NEIL3: variants seen among roughly 807,000 people sequenced by gnomAD.
NEIL3 encodes nei like DNA glycosylase 3.
In NEIL3, 48 loss-of-function variants were observed where a neutral mutation model predicts 57.5. The ratio of observed to expected loss-of-function variants is 0.83; its 90% CI spans 0.66 to 1.06. The LOEUF is 1.06. Ranked by LOEUF, NEIL3 falls within the 50% of genes least tolerant of loss-of-function variation. NEIL3 has a pLI of 0.00. For synonymous variants in NEIL3, 261 were observed against 253.2 expected (o/e 1.03, Z -0.29); for missense variants, 717 against 739.1 (o/e 0.97, Z 0.35).
downstream of NEIL3, among the ~76,000 whole-genome samples, chr4:177,366,127 G>T (rs1353397222): frequency 2.0e-5 from 3 of 152,148 alleles, no homozygotes; most frequent in Admixed American, 2.0e-4. Flanking sequence ...ATATGAAATT[G>T]CAAATATCTA....
intron 1 of NEIL3, among the ~76,000 whole-genome samples, chr4:177,318,725 C>G (rs760167408): frequency 1.3e-5 from 2 of 152,178 alleles, no homozygotes; most frequent in Admixed American, 6.5e-5. Flanking sequence ...GCACCCTCCC[C>G]CAATCTTGCT....
chr4:177,366,180 A>G (rs1735690157), downstream of NEIL3, among the ~76,000 whole-genome samples: 2 of 152,252 alleles, frequency 1.3e-5, no homozygotes, highest in Admixed American at 6.5e-5. Context: ...TTTAAAACAT[A>G]TGGGACTTTT....
rs761353300 is a variant in NEIL3 at position 177,353,495 on chromosome 4, C to T, written c.1227C>T (p.Asn409=). 1 of 1,613,720 alleles carries T rather than the reference C, an allele frequency of 6.2e-7. No individual in the cohort carries two copies. The highest frequency in any genetic ancestry group is 8.5e-7 in the Non-Finnish European group (1 of 1,179,840). ...SSTLERKTKQ[N]QILDEEFQNS... ...CTTTGGAAAGAAAAACAAAGCAAAACCAGATACTAGATGAGGAGTTTCAAA... is the reference window on the plus strand; with the variant it reads ...CTTTGGAAAGAAAAACAAAGCAAAATCAGATACTAGATGAGGAGTTTCAAA... The change falls in exon 8 of 10, where the codon AAC becomes AAT. Residue 409 remains asparagine, a synonymous_variant. Transcript: ENST00000264596.
rs1344077129 is a variant in NEIL3, at chr4:177,353,195, T to C, written c.1040-113T>C. 6 of 809,258 alleles carry C rather than the reference T, an allele frequency of 7.4e-6. No individual in the cohort carries two copies. In the South Asian group the frequency reaches 8.6e-5, roughly 12 times the overall value. 50.1% of individuals were successfully genotyped at this position (809,258 alleles called of 1,614,324 possible). A position where few individuals can be genotyped will look rare whatever the true frequency, so the allele number is the denominator to read the frequency against. ...ACTTTGTGTTATTAGTTCTATATAT[T>C]AGTTCACTGTAATAAAGTGAAGTAA... On this transcript the variant is annotated intron_variant, in intron 7 of 9. Transcript: ENST00000264596.
Position 177,360,548 on chromosome 4 carries a change from T to C in NEIL3, c.1506T>C (p.Pro502=). 6.2e-7 allele frequency: 1 copy of C among 1,614,100 alleles called. No homozygotes were observed. Among genetic ancestry groups the C allele is most frequent in the Non-Finnish European group, 8.5e-7 (1 of 1,179,982 alleles). Residue 502 remains proline (P), a synonymous_variant, in exon 9 of 10, where the codon CCT becomes CCC. Coordinates refer to ENST00000264596, the MANE Select transcript of NEIL3 (RefSeq NM_018248.3). ...NMTDGPRTLN[P]DSPRCSKHNR... The stretch of plus-strand genomic sequence containing the variant: ...CAGATGGCCCTCGTACCTTAAATCC[T>C]GACAGCCCTCGCTGCAGTAAACACA...
intron 1 of NEIL3, among the ~76,000 whole-genome samples, chr4:177,320,466 CTTT>C (rs34353849): frequency 0.017 from 1,276 of 77,224 alleles, 13 homozygotes; most frequent in East Asian, 0.16. Flanking sequence ...TGACTGCTGT[CTTT>C]TTTTTTTTTT....
chr4:177,324,565 C>T (rs955630206), intron 2 of NEIL3, among the ~76,000 whole-genome samples: 1 of 152,050 alleles, frequency 6.6e-6, no homozygotes, highest in African/African-American at 2.4e-5. Flanking sequence ...CCTGATAGTG[C>T]CAAGGAATAC....
intron 5 of NEIL3, among the ~76,000 whole-genome samples, chr4:177,340,406 TA>T (rs756267107): frequency 2.6e-5 from 4 of 152,256 alleles, no homozygotes; most frequent in African/African-American, 4.8e-5. Context: ...ACTATATGCA[TA>T]TATAGAATTC....
intron 4 of NEIL3, 111 bp downstream of exon 4, chr4:177,336,432 G>C: frequency 1.3e-6 from 1 of 790,204 alleles, no homozygotes; most frequent in Non-Finnish European, 2.0e-6. Context: ...CAGACTTCAG[G>C]TGTCCCGCTT....
In NEIL3 at chr4:177,362,680, A is replaced by G; in HGVS notation, c.*209A>G. ...CCTTGATGAACGTTCTATGTATTTC[A>G]TCGGATATACAGCATATTCCATTTA... On this transcript the variant is annotated 3_prime_UTR_variant, in exon 10 of 10. Coordinates refer to ENST00000264596, the MANE Select transcript of NEIL3 (RefSeq NM_018248.3). 2.3e-6 allele frequency: 1 copy of G among 436,442 alleles called. No homozygotes were observed. The highest frequency in any genetic ancestry group is 4.1e-6 in the Non-Finnish European group (1 of 246,854). The allele number at this position is 436,442 out of a possible 1,614,324, so 27.0% of individuals were successfully genotyped here. A position where few individuals can be genotyped will look rare whatever the true frequency, so the allele number is the denominator to read the frequency against.
chr4:177,350,854 C>T (rs1018821396), intron 6 of NEIL3, among the ~76,000 whole-genome samples: 2 of 151,836 alleles, frequency 1.3e-5, no homozygotes, highest in African/African-American at 4.8e-5. Context: ...CTCTAAATAA[C>T]TTTTATTTGA....
At chr4:177,336,029 A>G (rs1734972156) in intron 3 of NEIL3, 79 bp from the exon 4 acceptor site, 1 of 1,252,518 alleles carries the variant, frequency 8.0e-7, no homozygotes, top group Non-Finnish European at 1.1e-6. Context: ...AAGTGCTTAT[A>G]GCAAAGCTCA....
intron 6 of NEIL3, among the ~76,000 whole-genome samples, chr4:177,347,113 T>C (rs983132576): frequency 6.6e-6 from 1 of 152,042 alleles, no homozygotes; most frequent in African/African-American, 2.4e-5. Context: ...CAGTAGCGGA[T>C]AGTGACGGAG....
At chr4:177,351,582 ATT>A in intron 7 of NEIL3, 33 bp downstream of exon 7, 2 of 1,555,820 alleles carry the variant, frequency 1.3e-6, no homozygotes, top group Non-Finnish European at 1.8e-6. Context: ...AGTTTGTTAC[ATT>A]TCTAAGAGGG....
chr4:177,359,026 T>C (rs1252978323), intron 8 of NEIL3, among the ~76,000 whole-genome samples: 2 of 152,352 alleles, frequency 1.3e-5, no homozygotes, highest in South Asian at 2.1e-4. Context: ...TGTCCAGATA[T>C]CTGGCTTCCC....
chr4:177,360,725 G>T, intron 9 of NEIL3, 48 bp downstream of exon 9: 2 of 1,387,954 alleles, frequency 1.4e-6, no homozygotes, highest in South Asian at 1.5e-5. Flanking sequence ...TAAATGCTTT[G>T]GTTATTAATG....
At chr4:177,320,466 CTTTTTTTTTTTTTTTTT>C (rs34353849) in intron 1 of NEIL3, among the ~76,000 whole-genome samples, 30,246 of 79,820 alleles carry the variant, frequency 0.38, 3,874 homozygotes, top group Non-Finnish European at 0.41. Flanking sequence ...TGACTGCTGT[CTTTTTTTTTTTTTTTTT>C]TTTTTTTTTT....
chr4:177,345,971 A>G (rs1735213459), intron 6 of NEIL3, among the ~76,000 whole-genome samples: 2 of 152,086 alleles, frequency 1.3e-5, no homozygotes, highest in South Asian at 2.1e-4. Flanking sequence ...GATTACAGGC[A>G]TGAACCACCA....
chr4:177,341,642 G>A lies in NEIL3; in HGVS notation c.869G>A (p.Cys290Tyr), dbSNP rs116744051. The stretch of plus-strand genomic sequence containing the variant: ...GAAAATCCTCAACATGTTGACATAT[G>A]GTAAGATATTGAATTTAAAGGGATA... The part of the protein sequence containing the change: ...QKENPQHVDI[C>Y]KLPTRNTIIS... Residue 290 changes from cysteine (C) to tyrosine (Y), a missense_variant and splice_region_variant, in exon 6 of 10, where the codon TGC becomes TAC. Coordinates refer to ENST00000264596, the MANE Select transcript of NEIL3 (RefSeq NM_018248.3). 5.2e-5 allele frequency: 84 copies of A among 1,611,494 alleles called. No homozygotes were observed. In the African/African-American group the frequency reaches 9.1e-4, roughly 17 times the overall value.
Sources: allele counts gnomAD v4.1 joint callset (sites outside exome capture counted in the v4.1 genomes callset), GRCh38; gene constraint gnomAD v4.1.1; transcripts MANE v1.5; gene names NCBI Gene and HGNC (gene_info 2026-07-23, HGNC 2026-07-21).